The following GALNT2 variants were observed in gnomAD, a reference collection of about 807,000 sequenced individuals.
GALNT2 encodes the protein polypeptide N-acetylgalactosaminyltransferase 2.
A neutral mutation model predicts 81.4 loss-of-function variants in GALNT2; 31 were observed. The observed-to-expected ratio is 0.38, with a 90% CI of 0.29 to 0.51. The LOEUF is 0.51. GALNT2 is among the 20% of genes least tolerant of loss of function. The pLI, the probability that GALNT2 is intolerant of heterozygous loss-of-function variation, is 0.87. For missense variants in GALNT2, 629 were observed against 765.7 expected (o/e 0.82, Z 2.11); for synonymous variants, 303 against 287.4 (o/e 1.05, Z -0.55).
chr1:230,076,913 C>A (rs927840698), intron 1 of GALNT2, among the ~76,000 whole-genome samples: 2 of 152,166 alleles, frequency 1.3e-5, no homozygotes, highest in African/African-American at 4.8e-5. Context: ...CGTCAGAGAC[C>A]AGTCCAGGGA....
intron 1 of GALNT2, among the ~76,000 whole-genome samples, chr1:230,122,407 G>T (rs958687860): frequency 6.6e-6 from 1 of 152,184 alleles, no homozygotes; most frequent in South Asian, 2.1e-4. Flanking sequence ...CTGCTCCGCT[G>T]CTCCTCTCTC....
At chr1:230,159,851 G>A (rs1662376584) in intron 1 of GALNT2, among the ~76,000 whole-genome samples, 1 of 152,198 alleles carries the variant, frequency 6.6e-6, no homozygotes, top group African/African-American at 2.4e-5. Context: ...TGTTGGAAGT[G>A]CCAGCTTGGC....
chr1:230,127,905 C>G (rs903307592), intron 1 of GALNT2, among the ~76,000 whole-genome samples: 1 of 152,218 alleles, frequency 6.6e-6, no homozygotes, highest in African/African-American at 2.4e-5. Flanking sequence ...CGGAACCTCC[C>G]CTCAGTCCTC....
chr1:230,186,296 A>G (rs1663334373), intron 2 of GALNT2, among the ~76,000 whole-genome samples: 1 of 152,138 alleles, frequency 6.6e-6, no homozygotes, highest in African/African-American at 2.4e-5. Context: ...CACCTACACC[A>G]GATGCAGGTA....
intron 1 of GALNT2, among the ~76,000 whole-genome samples, chr1:230,116,178 G>C (rs550073893): frequency 4.6e-5 from 7 of 152,258 alleles, no homozygotes; most frequent in African/African-American, 1.4e-4. Flanking sequence ...ACTTGACTTT[G>C]CCCAGATCTA....
At position 230,271,900 on chromosome 1, in the gene GALNT2, G is replaced by A. The variant is rs1180140433; in HGVS notation, c.1441-2545G>A. Among the ~76,000 whole-genome samples, 10 of 152,182 alleles carry A rather than the reference G, an allele frequency of 6.6e-5. No homozygotes were observed. The stretch of plus-strand genomic sequence containing the variant: ...CCCTTCCCAGAGGATGGGGTGGCGG[G>A]GGACTGACGGTTTCAAGCTTCTCAG... On this transcript the variant is annotated intron_variant, in intron 14 of 15. Transcript: ENST00000366672. This position sits in a 1 kb window ranked among gnomAD's most constrained non-coding sequence, Gnocchi z 4.2.
intron 1 of GALNT2, among the ~76,000 whole-genome samples, chr1:230,157,293 C>T (rs899393251): frequency 7.2e-5 from 11 of 152,180 alleles, no homozygotes; most frequent in Admixed American, 3.9e-4. Context: ...TGTCACTATA[C>T]ACCTAGGGGA....
chr1:230,181,249 A>T (rs1663150554), intron 2 of GALNT2, among the ~76,000 whole-genome samples: 1 of 152,180 alleles, frequency 6.6e-6, no homozygotes, highest in South Asian at 2.1e-4. Context: ...GGTATTCTAT[A>T]TCAAGTTGAG....
At position 230,279,477 on chromosome 1, in the gene GALNT2, G is replaced by GC. The variant is rs764701133; in HGVS notation, c.*21dup. ...GCAGTAGGAGGGTCCGGGAGGCCCT[G>GC]CCGTCCTGTCTCCTGCACCATTGGG... On this transcript the variant is annotated 3_prime_UTR_variant, in exon 16 of 16. Transcript: ENST00000366672. The surrounding 1 kb of genome is among the most constrained non-coding windows in gnomAD (Gnocchi z 4.6). 2 of 1,611,220 alleles carry GC rather than the reference G, an allele frequency of 1.2e-6. No individual in the cohort carries two copies. The highest frequency in any genetic ancestry group is 2.7e-5 in the African/African-American group (2 of 74,900).
At chr1:230,083,934 T>G (rs372250172) in intron 1 of GALNT2, among the ~76,000 whole-genome samples, 1 of 152,266 alleles carries the variant, frequency 6.6e-6, no homozygotes, top group African/African-American at 2.4e-5. Flanking sequence ...CTGCTGCACA[T>G]GGAGGAGCTG....
intron 3 of GALNT2, among the ~76,000 whole-genome samples, chr1:230,217,644 A>C (rs1664431243): frequency 6.6e-6 from 1 of 152,246 alleles, no homozygotes; most frequent in Admixed American, 6.5e-5. Flanking sequence ...TGGGAAGTCC[A>C]AGATCTTTAA....
intron 6 of GALNT2, among the ~76,000 whole-genome samples, chr1:230,242,286 G>A (rs1665226062): frequency 6.6e-6 from 1 of 152,098 alleles, no homozygotes; most frequent in African/African-American, 2.4e-5. Flanking sequence ...TGGAGCAAAG[G>A]TTTGCCCCAT....
chr1:230,177,521 G>A (rs758631344), intron 1 of GALNT2, among the ~76,000 whole-genome samples: 1 of 152,226 alleles, frequency 6.6e-6, no homozygotes, highest in Non-Finnish European at 1.5e-5. Context: ...CTCTGTGGTC[G>A]TGCAGTTGTT....
chr1:230,180,023 G>A (rs1295404293), intron 2 of GALNT2, among the ~76,000 whole-genome samples: 4 of 152,164 alleles, frequency 2.6e-5, no homozygotes, highest in African/African-American at 9.7e-5. Flanking sequence ...AGGTTCAAGC[G>A]ATTCTCCTGT....
chr1:230,278,899 C>T (rs1218963727), intron 15 of GALNT2, among the ~76,000 whole-genome samples: 1 of 152,290 alleles, frequency 6.6e-6, no homozygotes, highest in East Asian at 1.9e-4. Flanking sequence ...AGGATCTGGC[C>T]CTGCATTGTG....
chr1:230,163,171 A>G (rs1662489260), intron 1 of GALNT2, among the ~76,000 whole-genome samples: 1 of 152,008 alleles, frequency 6.6e-6, no homozygotes, highest in African/African-American at 2.4e-5. Context: ...TTAAAACAAC[A>G]ACAACAACAA....
intron 2 of GALNT2, 140 bp from the exon 3 acceptor site, chr1:230,202,997 C>T (rs967395068): frequency 4.5e-6 from 4 of 887,828 alleles, no homozygotes; most frequent in African/African-American, 1.7e-5. Context: ...GTGCTGTTTT[C>T]AGCTAGTTTG....
At chr1:230,269,506 A>G (rs1024677809) in intron 14 of GALNT2, among the ~76,000 whole-genome samples, 10 of 152,022 alleles carry the variant, frequency 6.6e-5, no homozygotes, top group Non-Finnish European at 1.3e-4. Context: ...ACTTTTACAA[A>G]ATGCTGATGC....
At chr1:230,168,680 T>G (rs1277198374) in intron 1 of GALNT2, among the ~76,000 whole-genome samples, 7 of 152,222 alleles carry the variant, frequency 4.6e-5, no homozygotes, top group East Asian at 3.8e-4. Context: ...ATTTTTGTAA[T>G]TTTTTACAAT....
Sources: allele counts gnomAD v4.1 joint callset (sites outside exome capture counted in the v4.1 genomes callset), GRCh38; gene constraint gnomAD v4.1.1; non-coding constraint Gnocchi (gnomAD v3.1); transcripts MANE v1.5; gene names NCBI Gene and HGNC (gene_info 2026-07-23, HGNC 2026-07-21).